The following CYFIP2 variants were observed in gnomAD, a reference collection of about 807,000 sequenced individuals.
CYFIP2 encodes cytoplasmic FMR1 interacting protein 2, also known as cytoplasmic FMR1-interacting protein 2.
CYFIP2 carries 29 observed loss-of-function variants against 158.7 expected under a neutral mutation model. That is an observed-to-expected ratio of 0.18 (90% CI 0.14 to 0.25). The LOEUF (loss-of-function observed/expected upper bound fraction) is 0.25, where lower values mean the gene tolerates loss of function less well. Among genes scored for constraint, CYFIP2 ranks in the 10% least tolerant of loss-of-function variants. The pLI, the probability that CYFIP2 is intolerant of heterozygous loss-of-function variation, is 1.00. For missense variants in CYFIP2, 852 were observed against 1,639.5 expected (o/e 0.52, Z 8.29); for synonymous variants, 585 against 617.6 (o/e 0.95, Z 0.78).
intron 4 of CYFIP2, among the ~76,000 whole-genome samples, chr5:157,295,866 G>A (rs59117538): frequency 0.02 from 2,983 of 152,320 alleles, 105 homozygotes; most frequent in African/African-American, 0.069. Context: ...TGGCGTGTGC[G>A]TTGTGAGGAT....
At chr5:157,362,285 G>T (rs1763907629) in intron 26 of CYFIP2, among the ~76,000 whole-genome samples, 1 of 152,188 alleles carries the variant, frequency 6.6e-6, no homozygotes, top group African/African-American at 2.4e-5. Flanking sequence ...TCAGAGTTCG[G>T]CCTGCAGTTC....
In CYFIP2 at chr5:157,285,448, C is replaced by G; in HGVS notation, c.87C>G (p.Ile29Met). 6.3e-7 allele frequency: 1 copy of G among 1,576,442 alleles called. No individual in the cohort carries two copies. Among genetic ancestry groups the G allele is most frequent in the Non-Finnish European group, 8.6e-7 (1 of 1,161,122 alleles). Residue 29 changes from isoleucine (I) to methionine (M), a missense_variant, in exon 2 of 31, where the codon ATC becomes ATG. Ile to Met is a conservative substitution (Grantham distance 10). Coordinates refer to ENST00000620254, the MANE Select transcript of CYFIP2 (RefSeq NM_001037333.3). Reference protein sequence around the residue: ...ELPLPDQQPCIEPPPSSIMYQ... With the variant: ...ELPLPDQQPCMEPPPSSIMYQ... ...CCCTCCCCGACCAGCAGCCATGCAT[C>G]GAGCCTCCACCTTCCTCCATCATGT...
chr5:157,330,096 CA>C (rs1387842480), intron 19 of CYFIP2, among the ~76,000 whole-genome samples: 1 of 152,178 alleles, frequency 6.6e-6, no homozygotes. Context: ...CTCTGTTTAG[CA>C]AAACTTCTTT....
rs1755651251 is a variant in CYFIP2, at chr5:157,266,887, T to A, written c.-24+692T>A. On this transcript the variant is annotated intron_variant, in intron 1 of 30. Transcript: ENST00000620254. This position sits in a 1 kb window ranked among gnomAD's most constrained non-coding sequence, Gnocchi z 4.2. The stretch of plus-strand genomic sequence containing the variant: ...CTCCTGGGGGAAAAGGTGGTTTTTT[T>A]CTTGAGCTCTGAAGAACCAGGAAGA... The A allele has an allele frequency of 6.6e-6, 1 of 152,604 alleles. No homozygotes were observed. Among genetic ancestry groups the A allele is most frequent in the African/African-American group, 2.4e-5 (1 of 41,456 alleles). The allele number at this position is 152,604 out of a possible 1,614,324, so 9.5% of individuals were successfully genotyped here. A position where few individuals can be genotyped will look rare whatever the true frequency, so the allele number is the denominator to read the frequency against.
intron 15 of CYFIP2, 103 bp from the exon 16 acceptor site, chr5:157,323,818 C>T: frequency 7.8e-7 from 1 of 1,275,548 alleles, no homozygotes; most frequent in Non-Finnish European, 1.0e-6. Flanking sequence ...TAAGAGCAGA[C>T]ATCTGCAGAA....
intron 3 of CYFIP2, 149 bp from the exon 4 acceptor site, chr5:157,294,634 C>T (rs1454661295): frequency 1.8e-6 from 1 of 549,624 alleles, no homozygotes; most frequent in African/African-American, 1.9e-5. Context: ...AGGGAGGGAC[C>T]TGAGATTCTC....
At chr5:157,364,014 T>C (rs1454997194) in intron 26 of CYFIP2, 1 of 152,116 alleles carries the variant, frequency 6.6e-6, no homozygotes, top group Non-Finnish European at 1.5e-5. Flanking sequence ...TTGCGCTTCC[T>C]CTATAAGGAG....
At chr5:157,333,278 C>T in intron 20 of CYFIP2, 49 bp from the exon 21 acceptor site, 1 of 1,611,402 alleles carries the variant, frequency 6.2e-7, no homozygotes, top group Non-Finnish European at 8.5e-7. Flanking sequence ...GCCACTGCAC[C>T]TGGCCAGTGT....
intron 30 of CYFIP2, 50 bp downstream of exon 30, chr5:157,390,718 C>T (rs1219953532): frequency 6.4e-7 from 1 of 1,555,912 alleles, no homozygotes; most frequent in Non-Finnish European, 8.7e-7. Context: ...GGCTGACAAC[C>T]AGGCTTTTAC....
At position 157,393,224 on chromosome 5, in the gene CYFIP2, A is replaced by G. The variant is rs1253970373; in HGVS notation, c.*224A>G. The G allele has an allele frequency of 2.4e-6, 1 of 409,774 alleles. No individual in the cohort carries two copies. The highest frequency in any genetic ancestry group is 4.3e-6 in the Non-Finnish European group (1 of 233,792). The allele number at this position is 409,774 out of a possible 1,614,324, so 25.4% of individuals were successfully genotyped here. Reference sequence around the variant, plus strand: ...GCATAAATGAAAAAAAAAAAAAAAAAGTAAACAGGGCAGTGTGTGCTTTTT... The same window carrying G: ...GCATAAATGAAAAAAAAAAAAAAAAGGTAAACAGGGCAGTGTGTGCTTTTT... On this transcript the variant is annotated 3_prime_UTR_variant, in exon 31 of 31. Transcript: ENST00000620254.
chr5:157,309,673 G>A, intron 9 of CYFIP2, 70 bp from the exon 10 acceptor site: 3 of 1,385,684 alleles, frequency 2.2e-6, no homozygotes. Context: ...TCCCACAGTG[G>A]GGTGGCAGCG....
At chr5:157,309,639 C>T in intron 9 of CYFIP2, 104 bp from the exon 10 acceptor site, 1 of 1,027,888 alleles carries the variant, frequency 9.7e-7, no homozygotes, top group South Asian at 1.4e-5. Context: ...GGGGTCGGCC[C>T]CCAGGCACAC....
At chr5:157,270,771 A>G (rs1756026838) in intron 1 of CYFIP2, among the ~76,000 whole-genome samples, 1 of 152,224 alleles carries the variant, frequency 6.6e-6, no homozygotes, top group South Asian at 2.1e-4. Flanking sequence ...TGGATATGGG[A>G]CCTTAGAGAA....
Position 157,275,987 on chromosome 5 carries a change from A to T in CYFIP2, c.-23-9352A>T, listed in dbSNP as rs142712167. ...ATATAGAGATACTACTGATTTTTATATGCTGATATTGTATCCTACAAACTT... is the reference window on the plus strand; with the variant it reads ...ATATAGAGATACTACTGATTTTTATTTGCTGATATTGTATCCTACAAACTT... On this transcript the variant is annotated intron_variant, in intron 1 of 30. Transcript: ENST00000620254. Among the ~76,000 whole-genome samples the T allele has an allele frequency of 7.1e-3, 1,084 of 152,292 alleles. 17 individuals are homozygous for T. The highest frequency in any genetic ancestry group is 0.025 in the African/African-American group (1,033 of 41,552).
At chr5:157,279,278 A>T (rs556108087) in intron 1 of CYFIP2, among the ~76,000 whole-genome samples, 1 of 152,228 alleles carries the variant, frequency 6.6e-6, no homozygotes, top group Non-Finnish European at 1.5e-5. Flanking sequence ...TATATAGCTC[A>T]TAAGTGGCAG....
intron 26 of CYFIP2, chr5:157,377,013 C>A: frequency 2.6e-6 from 1 of 391,480 alleles, no homozygotes; most frequent in Non-Finnish European, 5.2e-6. Context: ...GGGCAGGGGT[C>A]CTTTTACTCC....
Position 157,361,846 on chromosome 5 carries a change from C to T in CYFIP2, c.3039+248C>T, listed in dbSNP as rs1763855322. ...ACCAAACTGGGGTCCACCTGCCTGG[C>T]ACAGTAAAAACAAACATCCACGCTG... On this transcript the variant is annotated intron_variant, in intron 26 of 30. Transcript: ENST00000620254. The surrounding 1 kb of genome is among the most constrained non-coding windows in gnomAD (Gnocchi z 4.4). 6.6e-6 allele frequency among the ~76,000 whole-genome samples: 1 copy of T among 152,110 alleles called. No homozygotes were observed. Among genetic ancestry groups the T allele is most frequent in the South Asian group, 2.1e-4 (1 of 4,822 alleles).
At chr5:157,309,720 A>C (rs757892475) in intron 9 of CYFIP2, 23 bp from the exon 10 acceptor site, 1 of 1,582,022 alleles carries the variant, frequency 6.3e-7, no homozygotes, top group Non-Finnish European at 8.6e-7. Context: ...GCATCTCACG[A>C]GCTGTGTTTG....
chr5:157,309,404 C>T (rs537098421), intron 9 of CYFIP2, among the ~76,000 whole-genome samples: 1 of 152,186 alleles, frequency 6.6e-6, no homozygotes, highest in Non-Finnish European at 1.5e-5. Context: ...TGCTTTAAGC[C>T]AGGGAAGATT....
Sources: gnomAD v4.1 joint callset for allele counts (sites outside exome capture counted in the v4.1 genomes callset) on GRCh38, gnomAD v4.1.1 for gene constraint, Gnocchi (gnomAD v3.1) non-coding constraint, MANE v1.5 for transcripts, NCBI Gene and HGNC (gene_info 2026-07-23, HGNC 2026-07-21) for gene names.